The following UBE2W variants were observed in gnomAD, a reference collection of about 807,000 sequenced individuals.
The protein encoded by UBE2W is ubiquitin conjugating enzyme E2 W, also known as ubiquitin-conjugating enzyme E2 W.
UBE2W carries 18 observed loss-of-function variants against 27.2 expected under a neutral mutation model. The ratio of observed to expected loss-of-function variants is 0.66; its 90% CI spans 0.46 to 0.98. UBE2W has a LOEUF of 0.98. Ranked by LOEUF, UBE2W falls within the 50% of genes least tolerant of loss-of-function variation. The pLI, the probability that UBE2W is intolerant of heterozygous loss-of-function variation, is 0.00. For synonymous variants in UBE2W, 53 were observed against 57.2 expected (o/e 0.93, Z 0.33); for missense variants, 90 against 180.2 (o/e 0.50, Z 2.87).
intron 1 of UBE2W, chr8:73,831,618 A>C (rs1424986682): frequency 1.3e-5 from 2 of 152,354 alleles, no homozygotes; most frequent in Admixed American, 6.5e-5. Flanking sequence ...GCACAATCCT[A>C]GCTCACTGCA....
chr8:73,846,478 T>C (rs1418756615), intron 1 of UBE2W, among the ~76,000 whole-genome samples: 1 of 152,190 alleles, frequency 6.6e-6, no homozygotes, highest in Non-Finnish European at 1.5e-5. Context: ...AAATTTTTTA[T>C]AAAGCAGCAC....
At chr8:73,876,790 G>C (rs73323804) in intron 1 of UBE2W, among the ~76,000 whole-genome samples, 4,736 of 152,172 alleles carry the variant, frequency 0.031, 226 homozygotes, top group African/African-American at 0.1. Flanking sequence ...CCAACATGAA[G>C]AAACCCCGTC....
At chr8:73,786,060 A>AT (rs1168433605), downstream of UBE2W, among the ~76,000 whole-genome samples, 5 of 152,326 alleles carry the variant, frequency 3.3e-5, no homozygotes, top group Admixed American at 6.5e-5. Flanking sequence ...GCACACAATA[A>AT]TTATCTGCTT....
intron 1 of UBE2W, among the ~76,000 whole-genome samples, chr8:73,843,084 C>T (rs1055915568): frequency 1.3e-5 from 2 of 152,134 alleles, no homozygotes; most frequent in Non-Finnish European, 1.5e-5. Flanking sequence ...CAAAAGACCA[C>T]ATATTGTATG....
At chr8:73,856,652 G>A (rs1163494955) in intron 1 of UBE2W, among the ~76,000 whole-genome samples, 1 of 151,910 alleles carries the variant, frequency 6.6e-6, no homozygotes, top group African/African-American at 2.4e-5. Flanking sequence ...ACTGTGTCTG[G>A]CCACACTTAT....
intron 3 of UBE2W, among the ~76,000 whole-genome samples, chr8:73,820,227 G>C (rs1041115410): frequency 4.6e-5 from 7 of 152,152 alleles, no homozygotes; most frequent in Non-Finnish European, 1.0e-4. Flanking sequence ...GTGGATCTCT[G>C]CAAAGTTTCA....
At chr8:73,847,145 G>A (rs964355547) in intron 1 of UBE2W, among the ~76,000 whole-genome samples, 1 of 152,122 alleles carries the variant, frequency 6.6e-6, no homozygotes, top group East Asian at 1.9e-4. Context: ...TTCCAGCCTG[G>A]GCGACAGAGT....
intron 5 of UBE2W, among the ~76,000 whole-genome samples, 190 bp downstream of exon 5, chr8:73,805,461 A>AAAACAAAAAAC (rs1808843754): frequency 7.6e-6 from 1 of 132,312 alleles, no homozygotes; most frequent in Non-Finnish European, 1.6e-5. Context: ...TCTCAAAAAA[A>AAAACAAAAAAC]AAAAAAAAAA....
chr8:73,821,554 T>TG (rs1458421316), intron 3 of UBE2W, among the ~76,000 whole-genome samples: 60 of 1,358 alleles, frequency 0.044, no homozygotes, highest in East Asian at 0.31. Flanking sequence ...GGAGTGTGTG[T>TG]GTGGGGGGGG....
At chr8:73,861,094 G>A (rs1389801788) in intron 1 of UBE2W, among the ~76,000 whole-genome samples, 1 of 152,010 alleles carries the variant, frequency 6.6e-6, no homozygotes, top group Admixed American at 6.6e-5. Flanking sequence ...ATTCCATCCT[G>A]GGCAACAGAG....
rs182569535 is a variant in UBE2W, at chr8:73,861,525, T to C, written c.15+17283A>G. 2.6e-5 allele frequency among the ~76,000 whole-genome samples: 4 copies of C among 152,258 alleles called. No homozygotes were observed. In the East Asian group the frequency reaches 7.7e-4, roughly 29 times the overall value. ...GGAGTCCTGCCATTGCTCAGGATGG[T>C]CTCAACTCCTGGCTCCAAGCAATCC... On this transcript the variant is annotated intron_variant, in intron 1 of 5. Transcript: ENST00000602593.
Position 73,790,405 on chromosome 8 carries a change from T to C in UBE2W, c.*3697A>G. The C allele has an allele frequency of 4.1e-6, 4 of 985,434 alleles. No individual in the cohort carries two copies. Among genetic ancestry groups the C allele is most frequent in the South Asian group, 9.4e-5 (2 of 21,292 alleles). 61.0% of individuals were successfully genotyped at this position (985,434 alleles called of 1,614,324 possible). Reference sequence around the variant, plus strand: ...TGCACAGGCAGTAACGGCATTACTATAACACAGAACAGTATAGTAGCTGAT... The same window carrying C: ...TGCACAGGCAGTAACGGCATTACTACAACACAGAACAGTATAGTAGCTGAT... On this transcript the variant is annotated 3_prime_UTR_variant, in exon 6 of 6. Coordinates refer to ENST00000602593, the MANE Select transcript of UBE2W (RefSeq NM_018299.6).
rs557765318 is a variant in UBE2W, at chr8:73,870,740, C to T, written c.15+8068G>A. On this transcript the variant is annotated intron_variant, in intron 1 of 5. Coordinates refer to ENST00000602593, the MANE Select transcript of UBE2W (RefSeq NM_018299.6). ...TTATCAAGGTAAAGGAAATTATTAG[C>T]GCTGGGATGGGAGAGCTATTTTATA... Among the ~76,000 whole-genome samples, 8 of 147,642 alleles carry T rather than the reference C, an allele frequency of 5.4e-5. No homozygotes were observed. The South Asian group carries it at 8.6e-4, about 16-fold the overall frequency.
intron 5 of UBE2W, chr8:73,796,701 T>C: frequency 1.0e-6 from 1 of 975,396 alleles, no homozygotes; most frequent in Non-Finnish European, 1.2e-6. Flanking sequence ...CTATATGTAA[T>C]CAAGAGTTTA....
chr8:73,835,481 G>A (rs1483626287), intron 1 of UBE2W, among the ~76,000 whole-genome samples: 1 of 152,178 alleles, frequency 6.6e-6, no homozygotes, highest in Non-Finnish European at 1.5e-5. Context: ...GATGGCTCAT[G>A]CCTGTAATCC....
intron 3 of UBE2W, among the ~76,000 whole-genome samples, chr8:73,816,622 C>A (rs563784832): frequency 2.0e-5 from 3 of 152,324 alleles, no homozygotes; most frequent in African/African-American, 7.2e-5. Context: ...CTTTCAGCAC[C>A]ACTCTTAGCA....
chr8:73,831,368 T>C (rs1810055159), intron 1 of UBE2W: 1 of 173,688 alleles, frequency 5.8e-6, no homozygotes, highest in South Asian at 1.6e-4. Flanking sequence ...GACCTTTCTT[T>C]CCAGTAAGGC....
chr8:73,826,066 C>T (rs923878663), intron 2 of UBE2W, among the ~76,000 whole-genome samples: 1 of 151,930 alleles, frequency 6.6e-6, no homozygotes, highest in African/African-American at 2.4e-5. Flanking sequence ...ATTAACAGGG[C>T]AAGGGGAGCT....
chr8:73,784,026 C>T (rs1807892264), downstream of UBE2W, among the ~76,000 whole-genome samples: 2 of 152,180 alleles, frequency 1.3e-5, no homozygotes, highest in Non-Finnish European at 1.5e-5. Flanking sequence ...GTTGGGATTA[C>T]AGGTGTGAGC....
Sources: gnomAD v4.1 joint callset for allele counts (sites outside exome capture counted in the v4.1 genomes callset) on GRCh38, gnomAD v4.1.1 for gene constraint, MANE v1.5 for transcripts, NCBI Gene and HGNC (gene_info 2026-07-23, HGNC 2026-07-21) for gene names.